The following NLK variants were observed in gnomAD, a reference collection of about 807,000 sequenced individuals.
NLK encodes nemo like kinase, also known as serine/threonine-protein kinase NLK.
NLK carries 11 observed loss-of-function variants against 59.0 expected under a neutral mutation model. The observed-to-expected ratio is 0.19, with a 90% CI of 0.12 to 0.31. The LOEUF (loss-of-function observed/expected upper bound fraction) is 0.31. NLK is among the 10% of genes least tolerant of loss of function. NLK has a pLI of 1.00. For missense variants in NLK, 410 were observed against 661.1 expected (o/e 0.62, Z 4.16); for synonymous variants, 235 against 235.9 (o/e 1.00, Z 0.03).
chr17:28,189,263 G>A (rs549008141), intron 8 of NLK, among the ~76,000 whole-genome samples: 32 of 152,220 alleles, frequency 2.1e-4, no homozygotes, highest in African/African-American at 7.5e-4. Flanking sequence ...ACCAATGACA[G>A]GTTCCCCACA....
intron 1 of NLK, among the ~76,000 whole-genome samples, chr17:28,070,204 C>T (rs1198320312): frequency 6.6e-6 from 1 of 151,732 alleles, no homozygotes. Context: ...CCACCGCGCT[C>T]CAGCCTGGGC....
At chr17:28,175,771 G>T (rs1908654027) in intron 7 of NLK, among the ~76,000 whole-genome samples, 1 of 152,292 alleles carries the variant, frequency 6.6e-6, no homozygotes, top group East Asian at 1.9e-4. Context: ...TTAAAGTTAT[G>T]ACTCTAAAAT....
chr17:28,118,169 A>G (rs1280146737), intron 1 of NLK, among the ~76,000 whole-genome samples: 2 of 152,176 alleles, frequency 1.3e-5, no homozygotes, highest in Non-Finnish European at 2.9e-5. Flanking sequence ...ATGAATTTCA[A>G]AATAAATGTG....
chr17:28,060,388 T>C (rs1207023493), intron 1 of NLK, among the ~76,000 whole-genome samples: 1 of 152,126 alleles, frequency 6.6e-6, no homozygotes, highest in East Asian at 1.9e-4. Context: ...ATATTAGCAA[T>C]ATATGTGAAA....
intron 1 of NLK, among the ~76,000 whole-genome samples, chr17:28,115,715 T>A (rs909487364): frequency 2.0e-4 from 31 of 152,158 alleles, no homozygotes; most frequent in Non-Finnish European, 4.4e-5. Context: ...AATGTTGAGT[T>A]TTCTAATCTG....
intron 1 of NLK, among the ~76,000 whole-genome samples, chr17:28,044,269 G>A (rs1248549835): frequency 6.6e-6 from 1 of 152,114 alleles, no homozygotes; most frequent in African/African-American, 2.4e-5. Flanking sequence ...TTCCACTTTG[G>A]ATAGATGAAT....
chr17:28,088,361 T>C (rs549083000), intron 1 of NLK, among the ~76,000 whole-genome samples: 4 of 152,226 alleles, frequency 2.6e-5, no homozygotes, highest in Admixed American at 2.0e-4. Context: ...ATGGTAATAA[T>C]CTAATTCTAC....
chr17:28,185,650 G>C (rs530118216), intron 8 of NLK, among the ~76,000 whole-genome samples: 34 of 152,212 alleles, frequency 2.2e-4, no homozygotes, highest in South Asian at 4.2e-4. Flanking sequence ...CCAGGCCCAA[G>C]CAATCCTCCT....
At chr17:28,203,733 C>T in the NLK span, among the ~76,000 whole-genome samples, 779 of 152,218 alleles carry the variant, frequency 5.1e-3, 9 homozygotes, top group African/African-American at 0.018. Flanking sequence ...GATAGGGTTT[C>T]GCCATGTTGG....
At chr17:28,124,515 A>T (rs1392158463) in intron 2 of NLK, among the ~76,000 whole-genome samples, 1 of 151,580 alleles carries the variant, frequency 6.6e-6, no homozygotes, top group Non-Finnish European at 1.5e-5. Flanking sequence ...GCAGAGCAGG[A>T]CTCCATCTCT....
chr17:28,092,876 A>T (rs1904554700), intron 1 of NLK, among the ~76,000 whole-genome samples: 1 of 151,688 alleles, frequency 6.6e-6, no homozygotes, highest in Admixed American at 6.6e-5. Flanking sequence ...GCTCACTGCA[A>T]CATCCGCCTC....
chr17:28,200,237 C>T (rs1180213665), downstream of NLK, among the ~76,000 whole-genome samples: 2 of 152,162 alleles, frequency 1.3e-5, no homozygotes, highest in South Asian at 2.1e-4. Flanking sequence ...TCTGCCTAAA[C>T]TGAGGTCATG....
intron 3 of NLK, among the ~76,000 whole-genome samples, chr17:28,156,385 C>G (rs940915575): frequency 6.6e-6 from 1 of 152,120 alleles, no homozygotes; most frequent in African/African-American, 2.4e-5. Context: ...AACAATTATG[C>G]CATTATCACA....
At chr17:28,164,934 CCCTT>C (rs1196646019) in intron 5 of NLK, among the ~76,000 whole-genome samples, 2 of 152,062 alleles carry the variant, frequency 1.3e-5, no homozygotes, top group African/African-American at 2.4e-5. Flanking sequence ...TGAAAATTCT[CCCTT>C]CATTATAGCC....
At chr17:28,190,866 T>A in intron 8 of NLK, 155 bp from the exon 9 acceptor site, 2 of 553,512 alleles carry the variant, frequency 3.6e-6, no homozygotes, top group Middle Eastern at 4.8e-4. Context: ...GCTGCTATGT[T>A]ACCCACCTCT....
chr17:28,188,268 T>G (rs529520518), intron 8 of NLK, among the ~76,000 whole-genome samples: 1 of 152,374 alleles, frequency 6.6e-6, no homozygotes, highest in South Asian at 2.1e-4. Context: ...TAACCATTTT[T>G]ATCACTGTGT....
chr17:28,194,921 C>A lies in NLK; in HGVS notation c.*285C>A. The A allele has an allele frequency of 3.4e-6, 1 of 289,908 alleles. No individual in the cohort carries two copies. The highest frequency in any genetic ancestry group is 5.6e-5 in the East Asian group (1 of 17,802). 18.0% of individuals were successfully genotyped at this position (289,908 alleles called of 1,614,324 possible). A position where few individuals can be genotyped will look rare whatever the true frequency, so the allele number is the denominator to read the frequency against. On this transcript the variant is annotated 3_prime_UTR_variant, in exon 11 of 11. Coordinates refer to ENST00000407008, the MANE Select transcript of NLK (RefSeq NM_016231.5). ...CACCTCAGAACAAAAGAGAATTGAA[C>A]CAAATTTGGGAGTTTGGGGTTTTAT... is the stretch of plus-strand genomic sequence containing the variant.
chr17:28,077,207 C>T (rs920800256), intron 1 of NLK, among the ~76,000 whole-genome samples: 13 of 150,092 alleles, frequency 8.7e-5, no homozygotes, highest in African/African-American at 2.2e-4. Flanking sequence ...CTGATAAAGA[C>T]GTGCTTGAGA....
At chr17:28,104,860 C>T (rs1905023105) in intron 1 of NLK, among the ~76,000 whole-genome samples, 1 of 152,088 alleles carries the variant, frequency 6.6e-6, no homozygotes, top group Admixed American at 6.5e-5. Flanking sequence ...TTAATAATAG[C>T]CAAAGAAAGA....
Sources: allele counts gnomAD v4.1 joint callset (sites outside exome capture counted in the v4.1 genomes callset), GRCh38; gene constraint gnomAD v4.1.1; transcripts MANE v1.5; gene names NCBI Gene and HGNC (gene_info 2026-07-23, HGNC 2026-07-21).